The following PEX3 variants were observed in gnomAD, a reference collection of about 807,000 sequenced individuals.
The protein encoded by PEX3 is peroxin-3.
A neutral mutation model predicts 55.8 loss-of-function variants in PEX3; 30 were observed. That is an observed-to-expected ratio of 0.54 (90% CI 0.40 to 0.73). The LOEUF is 0.73. Among genes scored for constraint, PEX3 ranks in the 30% least tolerant of loss-of-function variants. The pLI is 0.00. For missense variants in PEX3, 351 were observed against 432.8 expected, an observed-to-expected ratio of 0.81 and a Z score of 1.68; for synonymous variants, 135 against 148.4, an observed-to-expected ratio of 0.91 and a Z score of 0.66.
chr6:143,460,864 C>CA (rs57329535), intron 2 of PEX3, among the ~76,000 whole-genome samples: 4,805 of 76,000 alleles, frequency 0.063, 230 homozygotes, highest in African/African-American at 0.14. Context: ...AACTCTGTCT[C>CA]AAAAAAAAAA....
rs1205108872 is a variant in PEX3 at position 143,489,702 on chromosome 6, A to C, written c.*476A>C. On this transcript the variant is annotated 3_prime_UTR_variant, in exon 12 of 12. Transcript: ENST00000367591. This position sits in a 1 kb window ranked among gnomAD's most constrained non-coding sequence, Gnocchi z 5.5. ...AAGTGAATCAGACTTTTCTCCAGCT[A>C]CCTTTCAAAATAATAAATTATTTGT... The C allele has an allele frequency of 2.6e-5, 4 of 152,028 alleles. No homozygotes were observed. The highest frequency in any genetic ancestry group is 4.4e-5 in the Non-Finnish European group (3 of 67,982). 9.4% of individuals were successfully genotyped at this position (152,028 alleles called of 1,614,324 possible).
At chr6:143,460,864 CA>C (rs57329535) in intron 2 of PEX3, among the ~76,000 whole-genome samples, 4,040 of 76,186 alleles carry the variant, frequency 0.053, 57 homozygotes, top group African/African-American at 0.073. Flanking sequence ...AACTCTGTCT[CA>C]AAAAAAAAAA....
At chr6:143,484,097 T>C (rs532759652) in intron 10 of PEX3, among the ~76,000 whole-genome samples, 7 of 152,252 alleles carry the variant, frequency 4.6e-5, no homozygotes, top group African/African-American at 1.4e-4. Context: ...AAATTTTTAG[T>C]GTAGCCCTAG....
chr6:143,468,634 A>G (rs776194458), intron 4 of PEX3, among the ~76,000 whole-genome samples: 1 of 151,726 alleles, frequency 6.6e-6, no homozygotes, highest in Non-Finnish European at 1.5e-5. Flanking sequence ...AGCCTTGCCT[A>G]TTTGTTTTTT....
rs1779964659 is a variant in PEX3 at position 143,464,411 on chromosome 6, G to A, written c.287+1414G>A. ...TTTAAGACCTTTTCATCCAAAGGAG[G>A]AAGTAGACTAAATAAATTATCGTAA... On this transcript the variant is annotated intron_variant, in intron 3 of 11. Transcript: ENST00000367591. The surrounding 1 kb of genome is among the most constrained non-coding windows in gnomAD (Gnocchi z 5.8). Among the ~76,000 whole-genome samples the A allele has an allele frequency of 1.3e-5, 2 of 151,930 alleles. No homozygotes were observed. Among genetic ancestry groups the A allele is most frequent in the South Asian group, 2.1e-4 (1 of 4,822 alleles).
chr6:143,455,476 A>G (rs1269166448), intron 1 of PEX3, among the ~76,000 whole-genome samples: 1 of 148,070 alleles, frequency 6.8e-6, no homozygotes, highest in Admixed American at 7.0e-5. Context: ...CGGCCTCCCA[A>G]AGTGCTGGGA....
chr6:143,474,079 T>G (rs539064709), intron 8 of PEX3, among the ~76,000 whole-genome samples: 1 of 151,934 alleles, frequency 6.6e-6, no homozygotes, highest in Non-Finnish European at 1.5e-5. Context: ...TTGCCTAAGC[T>G]ATGATCATGC....
chr6:143,462,754 GT>G lies in PEX3; in HGVS notation c.206-158del, dbSNP rs1779941181. Among the ~76,000 whole-genome samples the G allele has an allele frequency of 6.6e-6, 1 of 152,012 alleles. No homozygotes were observed. Among genetic ancestry groups the G allele is most frequent in the African/African-American group, 2.4e-5 (1 of 41,392 alleles). On this transcript the variant is annotated intron_variant, in intron 2 of 11. Transcript: ENST00000367591. This position sits in a 1 kb window ranked among gnomAD's most constrained non-coding sequence, Gnocchi z 4.1. ...ATAAATGATTTGTTAGGATATAATC[GT>G]TTTATAATAATAATAATAATTTGAA...
intron 7 of PEX3, 42 bp from the exon 8 acceptor site, chr6:143,472,118 T>G (rs1780083185): frequency 2.3e-6 from 3 of 1,327,970 alleles, no homozygotes; most frequent in Admixed American, 1.7e-5. Flanking sequence ...GGATGTGTTG[T>G]ATAGTTTCTA....
At chr6:143,472,654 G>T (rs1163264862) in intron 8 of PEX3, among the ~76,000 whole-genome samples, 1 of 152,126 alleles carries the variant, frequency 6.6e-6, no homozygotes, top group Non-Finnish European at 1.5e-5. Context: ...TTGGTGGGCT[G>T]CAGCGTATTT....
rs1197584145 is a variant in PEX3 at position 143,464,998 on chromosome 6, A to T, written c.287+2001A>T. Among the ~76,000 whole-genome samples, 3 of 151,978 alleles carry T rather than the reference A, an allele frequency of 2.0e-5. No individual in the cohort carries two copies. Among genetic ancestry groups the T allele is most frequent in the Non-Finnish European group, 4.4e-5 (3 of 67,872 alleles). ...GTTATCACTGTTTTTGATATTTGGCACTCTTCTTGAAGACTGATAATGGCA... is the reference window on the plus strand; with the variant it reads ...GTTATCACTGTTTTTGATATTTGGCTCTCTTCTTGAAGACTGATAATGGCA... On this transcript the variant is annotated intron_variant, in intron 3 of 11. Transcript: ENST00000367591. The surrounding 1 kb of genome is among the most constrained non-coding windows in gnomAD (Gnocchi z 5.8).
Position 143,466,937 on chromosome 6 carries a change from A to G in PEX3, c.288-1185A>G, listed in dbSNP as rs1338648552. On this transcript the variant is annotated intron_variant, in intron 3 of 11. Transcript: ENST00000367591. The surrounding 1 kb of genome is among the most constrained non-coding windows in gnomAD (Gnocchi z 5.4). Reference sequence around the variant, plus strand: ...GACTTGGGAACCATATAAATATTTAATATTATAAAACTATAGTGTTTAAAA... The same window carrying G: ...GACTTGGGAACCATATAAATATTTAGTATTATAAAACTATAGTGTTTAAAA... Among the ~76,000 whole-genome samples the G allele has an allele frequency of 2.0e-5, 3 of 152,130 alleles. No individual in the cohort carries two copies. The East Asian group carries it at 5.8e-4, about 29-fold the overall frequency.
intron 1 of PEX3, among the ~76,000 whole-genome samples, chr6:143,452,696 T>C (rs1764504376): frequency 6.6e-6 from 1 of 152,186 alleles, no homozygotes; most frequent in Admixed American, 6.5e-5. Flanking sequence ...AAGGAGTCAG[T>C]CTGAAAAGAA....
Position 143,487,052 on chromosome 6 carries a change from A to C in PEX3, c.1038+1804A>C, listed in dbSNP as rs1249523860. Among the ~76,000 whole-genome samples the C allele has an allele frequency of 6.6e-6, 1 of 152,202 alleles. No individual in the cohort carries two copies. Among genetic ancestry groups the C allele is most frequent in the Non-Finnish European group, 1.5e-5 (1 of 68,018 alleles). ...GGATGGTAGTTGGTAAAGGTAGGAA[A>C]TGGGAGAATCAGAAAACAATCGAGA... On this transcript the variant is annotated intron_variant, in intron 11 of 11. Coordinates refer to ENST00000367591, the MANE Select transcript of PEX3 (RefSeq NM_003630.3). This position sits in a 1 kb window ranked among gnomAD's most constrained non-coding sequence, Gnocchi z 5.3.
At position 143,464,988 on chromosome 6, in the gene PEX3, G is replaced by C. The variant is rs557041007; in HGVS notation, c.287+1991G>C. Among the ~76,000 whole-genome samples, 69 of 151,904 alleles carry C rather than the reference G, an allele frequency of 4.5e-4. No homozygotes were observed. The highest frequency in any genetic ancestry group is 1.0e-3 in the South Asian group (5 of 4,818). ...CAAATAAACAGTTATCACTGTTTTT[G>C]ATATTTGGCACTCTTCTTGAAGACT... On this transcript the variant is annotated intron_variant, in intron 3 of 11. Coordinates refer to ENST00000367591, the MANE Select transcript of PEX3 (RefSeq NM_003630.3). The surrounding 1 kb of genome is among the most constrained non-coding windows in gnomAD (Gnocchi z 5.8).
In PEX3 at chr6:143,453,360, T is replaced by C. The variant is rs1292786176; in HGVS notation, c.73+2245T>C. Reference sequence around the variant, plus strand: ...TTTGGGCATTCAATAGTGGGGGAAGTAAGTAAGTAAAACCTTGAGTAGCAG... The same window carrying C: ...TTTGGGCATTCAATAGTGGGGGAAGCAAGTAAGTAAAACCTTGAGTAGCAG... On this transcript the variant is annotated intron_variant, in intron 1 of 11. Transcript: ENST00000367591. This position sits in a 1 kb window ranked among gnomAD's most constrained non-coding sequence, Gnocchi z 4.6. 6.6e-6 allele frequency among the ~76,000 whole-genome samples: 1 copy of C among 152,094 alleles called. No individual in the cohort carries two copies. Among genetic ancestry groups the C allele is most frequent in the Non-Finnish European group, 1.5e-5 (1 of 68,024 alleles).
intron 10 of PEX3, chr6:143,484,948 T>A (rs1321697149): frequency 1.9e-5 from 10 of 538,560 alleles, no homozygotes; most frequent in Admixed American, 3.2e-5. Flanking sequence ...AAAACAAAGA[T>A]ATGTGTAAAA....
At position 143,466,966 on chromosome 6, in the gene PEX3, AAT is replaced by A. The variant is rs976483368; in HGVS notation, c.288-1155_288-1154del. Among the ~76,000 whole-genome samples the A allele has an allele frequency of 6.6e-6, 1 of 151,990 alleles. No individual in the cohort carries two copies. The highest frequency in any genetic ancestry group is 1.5e-5 in the Non-Finnish European group (1 of 67,902). ...TATAAAACTATAGTGTTTAAAAAAT[AAT>A]GTCCAAAAATATATAGTACCATAAA... On this transcript the variant is annotated intron_variant, in intron 3 of 11. Transcript: ENST00000367591. This position sits in a 1 kb window ranked among gnomAD's most constrained non-coding sequence, Gnocchi z 5.4.
rs982626123 is a variant in PEX3 at position 143,462,855 on chromosome 6, T to G, written c.206-61T>G. ...TCATATAGCCTAAAACAATGCGCATTTCTTAGTGAGGGCAGTCATATCACT... is the reference window on the plus strand; with the variant it reads ...TCATATAGCCTAAAACAATGCGCATGTCTTAGTGAGGGCAGTCATATCACT... On this transcript the variant is annotated intron_variant, in intron 2 of 11. Coordinates refer to ENST00000367591, the MANE Select transcript of PEX3 (RefSeq NM_003630.3). This position sits in a 1 kb window ranked among gnomAD's most constrained non-coding sequence, Gnocchi z 4.1. 1.6e-6 allele frequency: 2 copies of G among 1,265,910 alleles called. No homozygotes were observed. Among genetic ancestry groups the G allele is most frequent in the African/African-American group, 2.9e-5 (2 of 68,000 alleles). The allele number at this position is 1,265,910 out of a possible 1,614,324, so 78.4% of individuals were successfully genotyped here.
Sources: allele counts gnomAD v4.1 joint callset (sites outside exome capture counted in the v4.1 genomes callset), GRCh38; gene constraint gnomAD v4.1.1; non-coding constraint Gnocchi (gnomAD v3.1); transcripts MANE v1.5; gene names NCBI Gene and HGNC (gene_info 2026-07-23, HGNC 2026-07-21).